The following SNX27 variants were observed in gnomAD, a reference collection of about 807,000 sequenced individuals.
SNX27 encodes the protein sorting nexin 27.
A neutral mutation model predicts 71.6 loss-of-function variants in SNX27; 22 were observed. The observed-to-expected ratio is 0.31, with a 90% CI of 0.22 to 0.44. SNX27 has a LOEUF of 0.44. Ranked by LOEUF, SNX27 falls within the 20% of genes least tolerant of loss-of-function variation. The probability of loss-of-function intolerance (pLI) is 1.00; values close to 1 mark genes in which losing one functional copy is unlikely to be tolerated. For missense variants in SNX27, 531 were observed against 698.6 expected, an observed-to-expected ratio of 0.76 and a Z score of 2.70; for synonymous variants, 269 against 277.2, an observed-to-expected ratio of 0.97 and a Z score of 0.29.
chr1:151,661,189 A>G, intron 4 of SNX27: 2 of 226,508 alleles, frequency 8.8e-6, no homozygotes, highest in East Asian at 1.9e-4. Context: ...ATAATCAGAT[A>G]GTCGCTTTAT....
intron 4 of SNX27, among the ~76,000 whole-genome samples, 174 bp from the exon 5 acceptor site, chr1:151,661,992 C>G (rs1669982602): frequency 6.6e-6 from 1 of 152,216 alleles, no homozygotes; most frequent in Non-Finnish European, 1.5e-5. Flanking sequence ...AGATTAACTT[C>G]TGCTGCAGCC....
Position 151,650,918 on chromosome 1 carries a change from G to A in SNX27, c.544-7317G>A, listed in dbSNP as rs563185200. ...TGTTTCAGAGAGCACAGGGTTGGGA[G>A]TAAGGTCACAGATCAACAGGATCCC... is the stretch of plus-strand genomic sequence containing the variant. On this transcript the variant is annotated intron_variant, in intron 2 of 11. Transcript: ENST00000458013. Among the ~76,000 whole-genome samples the A allele has an allele frequency of 6.9e-3, 1,046 of 152,218 alleles. 4 individuals carry two copies. The highest frequency in any genetic ancestry group is 0.011 in the Non-Finnish European group (777 of 67,960).
chr1:151,671,299 A>G (rs1670445111), intron 7 of SNX27, among the ~76,000 whole-genome samples: 2 of 149,936 alleles, frequency 1.3e-5, no homozygotes. Context: ...GTGCAGTGGC[A>G]TGATCACAAC....
intron 11 of SNX27, chr1:151,693,764 G>A: frequency 6.6e-7 from 1 of 1,504,136 alleles, no homozygotes; most frequent in Non-Finnish European, 8.8e-7. Flanking sequence ...ACCCTCCTCT[G>A]CCAGTTTTTT....
intron 7 of SNX27, chr1:151,680,197 G>A (rs1196186320): frequency 6.7e-6 from 1 of 148,394 alleles, no homozygotes; most frequent in Non-Finnish European, 1.5e-5. Flanking sequence ...TGTCTCCCAG[G>A]CTGGAGTGCA....
At chr1:151,638,087 G>A (rs1290961576) in intron 1 of SNX27, among the ~76,000 whole-genome samples, 1 of 152,158 alleles carries the variant, frequency 6.6e-6, no homozygotes, top group South Asian at 2.1e-4. Flanking sequence ...TCTAAACCTT[G>A]TACTTTGTTT....
chr1:151,673,063 G>A (rs978646651), intron 7 of SNX27, among the ~76,000 whole-genome samples: 6 of 150,812 alleles, frequency 4.0e-5, no homozygotes, highest in Non-Finnish European at 5.9e-5. Context: ...ATGCATCATT[G>A]TTTGAAATTT....
intron 1 of SNX27, among the ~76,000 whole-genome samples, chr1:151,624,409 TTATA>T (rs10577800): frequency 1.0e-3 from 133 of 129,748 alleles, no homozygotes; most frequent in Middle Eastern, 4.2e-3. Flanking sequence ...TAGCTTGATT[TTATA>T]TATATATATA....
intron 1 of SNX27, among the ~76,000 whole-genome samples, chr1:151,638,051 A>G (rs780286203): frequency 9.9e-5 from 15 of 152,268 alleles, no homozygotes; most frequent in Non-Finnish European, 1.9e-4. Flanking sequence ...TGTGAGACTC[A>G]GCATCTTTCT....
At chr1:151,615,416 G>A (rs1667383253) in intron 1 of SNX27, among the ~76,000 whole-genome samples, 1 of 151,982 alleles carries the variant, frequency 6.6e-6, no homozygotes, top group South Asian at 2.1e-4. Context: ...TTTCAAGTGA[G>A]AGGGGAAATC....
chr1:151,625,356 A>G (rs546589866), intron 1 of SNX27, among the ~76,000 whole-genome samples: 2 of 152,028 alleles, frequency 1.3e-5, no homozygotes, highest in Admixed American at 1.3e-4. Context: ...AAATACAAAA[A>G]TTAGTCAGGT....
intron 3 of SNX27, 140 bp from the exon 4 acceptor site, chr1:151,660,658 T>C (rs886675152): frequency 3.1e-6 from 2 of 640,246 alleles, no homozygotes; most frequent in Non-Finnish European, 5.7e-6. Context: ...ATACCAGACA[T>C]GGTTTGCTGC....
At position 151,694,222 on chromosome 1, in the gene SNX27, A is replaced by G. The variant is rs906991774; in HGVS notation, c.1579-148A>G. 3.7e-5 allele frequency: 53 copies of G among 1,417,516 alleles called. 1 individual carries two copies. Among genetic ancestry groups the G allele is most frequent in the South Asian group, 3.2e-5 (2 of 62,268 alleles). 87.8% of individuals were successfully genotyped at this position (1,417,516 alleles called of 1,614,324 possible). A position where few individuals can be genotyped will look rare whatever the true frequency, so the allele number is the denominator to read the frequency against. ...AGGTCCCTTCCGGCTCTAAAAGGCT[A>G]TGATTCTAGATGAGAAGTTATATCA... On this transcript the variant is annotated intron_variant, in intron 11 of 11. Transcript: ENST00000458013.
intron 1 of SNX27, among the ~76,000 whole-genome samples, chr1:151,635,437 A>C (rs1016581759): frequency 3.3e-5 from 5 of 152,230 alleles, no homozygotes; most frequent in African/African-American, 1.2e-4. Context: ...TGTACTGCTG[A>C]AAGTTTCTCC....
At position 151,612,920 on chromosome 1, in the gene SNX27, T is replaced by TC. The variant is rs918248406; in HGVS notation, c.311+415dup. Among the ~76,000 whole-genome samples the TC allele has an allele frequency of 1.3e-5, 2 of 151,556 alleles. No individual in the cohort carries two copies. The highest frequency in any genetic ancestry group is 1.5e-5 in the Non-Finnish European group (1 of 67,936). ...GTTTTCTGATCCAGCCAGTACCGTGTCCCCCCCAAGTTCTCATCTTCAGCA... is the reference window on the plus strand; with the variant it reads ...GTTTTCTGATCCAGCCAGTACCGTGTCCCCCCCCAAGTTCTCATCTTCAGCA... On this transcript the variant is annotated intron_variant, in intron 1 of 11. Coordinates refer to ENST00000458013, the MANE Select transcript of SNX27 (RefSeq NM_001330723.2). This position sits in a 1 kb window ranked among gnomAD's most constrained non-coding sequence, Gnocchi z 5.2.
In SNX27 at chr1:151,612,159, T is replaced by C; in HGVS notation, c.-43T>C. The C allele has an allele frequency of 3.1e-6, 4 of 1,301,786 alleles. No individual in the cohort carries two copies. The highest frequency in any genetic ancestry group is 3.9e-6 in the Non-Finnish European group (4 of 1,023,688). 80.6% of individuals were successfully genotyped at this position (1,301,786 alleles called of 1,614,324 possible). A position where few individuals can be genotyped will look rare whatever the true frequency, so the allele number is the denominator to read the frequency against. On this transcript the variant is annotated 5_prime_UTR_variant, in exon 1 of 12. Coordinates refer to ENST00000458013, the MANE Select transcript of SNX27 (RefSeq NM_001330723.2). This position sits in a 1 kb window ranked among gnomAD's most constrained non-coding sequence, Gnocchi z 5.2. ...CAGGGCGAGCACGCGCCGGGAGGCC[T>C]TGGAGGCGTAGGGGGCGGGGGTACG...
chr1:151,651,369 T>G (rs1474391612), intron 2 of SNX27, among the ~76,000 whole-genome samples: 2 of 142,534 alleles, frequency 1.4e-5, no homozygotes, highest in Admixed American at 6.9e-5. Flanking sequence ...GCGGCTGGCC[T>G]GGCGGGGGGC....
rs190358215 is a variant in SNX27, at chr1:151,653,750, G to A, written c.544-4485G>A. Among the ~76,000 whole-genome samples, 684 of 151,924 alleles carry A rather than the reference G, an allele frequency of 4.5e-3. 5 individuals are homozygous for A. The highest frequency in any genetic ancestry group is 0.016 in the African/African-American group (656 of 41,416). On this transcript the variant is annotated intron_variant, in intron 2 of 11. Coordinates refer to ENST00000458013, the MANE Select transcript of SNX27 (RefSeq NM_001330723.2). ...TGTTCAGGCTGGTCTCAAAATCCTGGGCTCAAGTGATCCTCCTGCCTTGGC... is the reference window on the plus strand; with the variant it reads ...TGTTCAGGCTGGTCTCAAAATCCTGAGCTCAAGTGATCCTCCTGCCTTGGC...
At chr1:151,658,160 T>C in intron 2 of SNX27, 75 bp from the exon 3 acceptor site, 2 of 1,406,716 alleles carry the variant, frequency 1.4e-6, no homozygotes, top group Non-Finnish European at 1.9e-6. Flanking sequence ...ACCAATATCA[T>C]CTAAGCCTGA....
Sources: allele counts gnomAD v4.1 joint callset (sites outside exome capture counted in the v4.1 genomes callset), GRCh38; gene constraint gnomAD v4.1.1; non-coding constraint Gnocchi (gnomAD v3.1); transcripts MANE v1.5; gene names NCBI Gene and HGNC (gene_info 2026-07-23, HGNC 2026-07-21).